RARS2: variants seen among roughly 807,000 people sequenced by gnomAD.
RARS2 encodes probable arginine--tRNA ligase, mitochondrial.
A neutral mutation model predicts 88.5 loss-of-function variants in RARS2; 67 were observed. That is an observed-to-expected ratio of 0.76 (90% CI 0.62 to 0.93). RARS2 has a LOEUF of 0.93. Ranked by LOEUF, RARS2 falls within the 40% of genes least tolerant of loss-of-function variation. RARS2 has a pLI of 0.00. For synonymous variants in RARS2, 239 were observed against 230.3 expected, an observed-to-expected ratio of 1.04 and a Z score of -0.34; for missense variants, 664 against 684.2, an observed-to-expected ratio of 0.97 and a Z score of 0.33.
intron 10 of RARS2, among the ~76,000 whole-genome samples, chr6:87,529,001 T>C (rs1776612719): frequency 6.6e-6 from 1 of 152,172 alleles, no homozygotes; most frequent in Non-Finnish European, 1.5e-5. Flanking sequence ...ATTCATCAAT[T>C]ACAACTTTTT....
At position 87,555,397 on chromosome 6, in the gene RARS2, T is replaced by G; in HGVS notation, c.395+11A>C. 6.2e-7 allele frequency: 1 copy of G among 1,604,914 alleles called. No individual in the cohort carries two copies. On this transcript the variant is annotated intron_variant, in intron 5 of 19. Coordinates refer to ENST00000369536, the MANE Select transcript of RARS2 (RefSeq NM_020320.5). ...TTGATTAAGCAACACATAAAAGGGG[T>G]GCACCCTCACCTGAATTCAACCACA... is the stretch of plus-strand genomic sequence containing the variant.
chr6:87,521,140 A>G (rs2128014962), intron 12 of RARS2, among the ~76,000 whole-genome samples: 1 of 152,364 alleles, frequency 6.6e-6, no homozygotes. Context: ...AAATTACTTC[A>G]AAATAAAGTT....
intron 1 of RARS2, among the ~76,000 whole-genome samples, chr6:87,575,278 C>CACACACACACACACACACA (rs1554218761): frequency 3.6e-5 from 5 of 139,534 alleles, no homozygotes; most frequent in South Asian, 4.5e-4. Flanking sequence ...CACACACACA[C>CACACACACACACACACACA]CTTGGCTTCT....
intron 9 of RARS2, 110 bp from the exon 10 acceptor site, chr6:87,529,758 T>C: frequency 1.3e-6 from 1 of 756,776 alleles, no homozygotes. Flanking sequence ...ATGAACACAA[T>C]AAAAATTAAA....
intron 1 of RARS2, among the ~76,000 whole-genome samples, chr6:87,581,067 T>A (rs1773338515): frequency 6.6e-6 from 1 of 152,178 alleles, no homozygotes; most frequent in Non-Finnish European, 1.5e-5. Flanking sequence ...TCTGATACAA[T>A]GGCAAATATG....
chr6:87,576,406 A>T (rs1562255750), intron 1 of RARS2, among the ~76,000 whole-genome samples: 2 of 107,226 alleles, frequency 1.9e-5, no homozygotes. Flanking sequence ...CCTCCCGAGT[A>T]GCTGGGACTA....
At chr6:87,549,101 T>C (rs978847144) in intron 5 of RARS2, among the ~76,000 whole-genome samples, 8 of 152,054 alleles carry the variant, frequency 5.3e-5, no homozygotes, top group Non-Finnish European at 1.0e-4. Flanking sequence ...ACTCCTGTAA[T>C]CCCAGCACTT....
intron 4 of RARS2, among the ~76,000 whole-genome samples, chr6:87,558,986 T>C (rs1413830676): frequency 1.3e-5 from 2 of 152,164 alleles, no homozygotes; most frequent in Admixed American, 6.5e-5. Flanking sequence ...GATGTGGAGG[T>C]GAAGACAGTG....
chr6:87,547,828 T>C (rs1050417557), intron 6 of RARS2, among the ~76,000 whole-genome samples: 1 of 151,822 alleles, frequency 6.6e-6, no homozygotes, highest in Non-Finnish European at 1.5e-5. Flanking sequence ...TTAGTAAAGA[T>C]GGGGTTTCAC....
chr6:87,580,891 G>A (rs562819512), intron 1 of RARS2, among the ~76,000 whole-genome samples: 1 of 152,144 alleles, frequency 6.6e-6, no homozygotes, highest in East Asian at 1.9e-4. Flanking sequence ...TATAAGAATG[G>A]CTAATATGTA....
chr6:87,558,819 C>T (rs1430984684), intron 4 of RARS2, among the ~76,000 whole-genome samples: 1 of 152,192 alleles, frequency 6.6e-6, no homozygotes, highest in Non-Finnish European at 1.5e-5. Flanking sequence ...TATTTAAAAT[C>T]ATAATTTTAA....
rs1371295838 is a variant in RARS2, at chr6:87,575,276, CA to C, written c.37-5687del. Among the ~76,000 whole-genome samples, 226 of 145,024 alleles carry C rather than the reference CA, an allele frequency of 1.6e-3. 3 individuals carry two copies. Among genetic ancestry groups the C allele is most frequent in the Middle Eastern group, 0.01 (3 of 286 alleles). Reference sequence around the variant, plus strand: ...ACACACACACACACACACACACACACACCTTGGCTTCTTCAAAAGCAGGGCC... The same window carrying C: ...ACACACACACACACACACACACACACCCTTGGCTTCTTCAAAAGCAGGGCC... On this transcript the variant is annotated intron_variant, in intron 1 of 19. Transcript: ENST00000369536.
chr6:87,537,104 T>C (rs1779415824), intron 8 of RARS2, among the ~76,000 whole-genome samples: 2 of 152,344 alleles, frequency 1.3e-5, no homozygotes, highest in South Asian at 4.1e-4. Flanking sequence ...ATACTGATTA[T>C]AGTGCAATTT....
chr6:87,577,588 C>T (rs75257369), intron 1 of RARS2, among the ~76,000 whole-genome samples: 1,697 of 152,272 alleles, frequency 0.011, 32 homozygotes, highest in African/African-American at 0.038. Flanking sequence ...TTCTTAAATA[C>T]AGCCAATTAA....
chr6:87,541,211 C>T (rs778120754), intron 8 of RARS2, among the ~76,000 whole-genome samples: 10 of 152,176 alleles, frequency 6.6e-5, no homozygotes, highest in Non-Finnish European at 1.3e-4. Context: ...GGGTCTTGCT[C>T]TGTTGTCCAG....
chr6:87,524,764 T>C (rs753691678), intron 10 of RARS2, 112 bp from the exon 11 acceptor site: 3 of 760,138 alleles, frequency 3.9e-6, no homozygotes, highest in African/African-American at 1.7e-5. Flanking sequence ...CACGTTGCAA[T>C]GAGCAGTGCC....
chr6:87,533,922 C>A (rs1778339667), intron 8 of RARS2, among the ~76,000 whole-genome samples: 1 of 152,154 alleles, frequency 6.6e-6, no homozygotes. Flanking sequence ...TCTAGCCATG[C>A]TTATCTTAGA....
chr6:87,537,101 T>TTA (rs1355620112), intron 8 of RARS2, among the ~76,000 whole-genome samples: 5 of 152,220 alleles, frequency 3.3e-5, no homozygotes, highest in African/African-American at 1.2e-4. Flanking sequence ...CTAATACTGA[T>TTA]TATAGTGCAA....
chr6:87,529,510 A>G (rs746050674), intron 10 of RARS2, 32 bp downstream of exon 10: 1 of 1,314,230 alleles, frequency 7.6e-7, no homozygotes, highest in South Asian at 1.2e-5. Flanking sequence ...AAGAACAAAT[A>G]ATTTTACTGA....
Sources: allele counts gnomAD v4.1 joint callset (sites outside exome capture counted in the v4.1 genomes callset), GRCh38; gene constraint gnomAD v4.1.1; transcripts MANE v1.5; gene names NCBI Gene and HGNC (gene_info 2026-07-23, HGNC 2026-07-21).